Variants in SV2C observed in about 807,000 individuals in gnomAD.
The protein encoded by SV2C is synaptic vesicle glycoprotein 2C, also known as solute carrier family 22 member B3.
SV2C carries 49 observed loss-of-function variants against 79.7 expected under a neutral mutation model. That is an observed-to-expected ratio of 0.61 (90% CI 0.49 to 0.78). The LOEUF (loss-of-function observed/expected upper bound fraction) is 0.78. Ranked by LOEUF, SV2C falls within the 30% of genes least tolerant of loss-of-function variation. SV2C has a pLI of 0.00. For missense variants in SV2C, 833 were observed against 912.9 expected, an observed-to-expected ratio of 0.91 and a Z score of 1.13; for synonymous variants, 334 against 333.2, an observed-to-expected ratio of 1.00 and a Z score of -0.03.
At chr5:76,005,286 G>C in the SV2C span, among the ~76,000 whole-genome samples, 18 of 152,228 alleles carry the variant, frequency 1.2e-4, no homozygotes, top group African/African-American at 4.1e-4. Flanking sequence ...AAAAAAGTTT[G>C]GTGACTAAAA....
chr5:76,239,067 C>A (rs1004407363), intron 4 of SV2C, among the ~76,000 whole-genome samples: 253 of 150,310 alleles, frequency 1.7e-3, no homozygotes, highest in African/African-American at 6.2e-3. Flanking sequence ...CTTTTGGGAT[C>A]CTAGGGAATA....
chr5:75,939,396 T>A, the SV2C span, among the ~76,000 whole-genome samples: 1 of 152,038 alleles, frequency 6.6e-6, no homozygotes, highest in Non-Finnish European at 1.5e-5. Flanking sequence ...ATCTCTCTGA[T>A]TTCAGTTCTT....
the SV2C span, among the ~76,000 whole-genome samples, chr5:76,010,598 CAAGAT>C: frequency 3.3e-5 from 5 of 152,168 alleles, no homozygotes; most frequent in African/African-American, 9.6e-5. Context: ...GATATTAAAT[CAAGAT>C]AAGAGATCAG....
intron 2 of SV2C, among the ~76,000 whole-genome samples, chr5:76,170,050 T>A (rs1743171142): frequency 6.6e-6 from 1 of 152,202 alleles, no homozygotes; most frequent in South Asian, 2.1e-4. Flanking sequence ...ATCATCTCAA[T>A]CCTATTTTAT....
intron 4 of SV2C, among the ~76,000 whole-genome samples, chr5:76,273,059 A>T (rs1366492274): frequency 6.6e-6 from 1 of 151,094 alleles, no homozygotes; most frequent in Non-Finnish European, 1.5e-5. Context: ...TGCATTTATG[A>T]TATAAGCTTC....
chr5:76,242,298 TG>T, intron 4 of SV2C: 1 of 1,452,140 alleles, frequency 6.9e-7, no homozygotes, highest in Non-Finnish European at 9.6e-7. Context: ...TTGGGCATGG[TG>T]GCGGCAGCGA....
chr5:75,886,298 T>C, the SV2C span, among the ~76,000 whole-genome samples: 5 of 152,140 alleles, frequency 3.3e-5, no homozygotes, highest in African/African-American at 7.2e-5. Context: ...CTCTTTTTGC[T>C]AAGGAAAATC....
chr5:76,322,827 T>C (rs80228966), intron 12 of SV2C, among the ~76,000 whole-genome samples: 1 of 152,200 alleles, frequency 6.6e-6, no homozygotes, highest in Non-Finnish European at 1.5e-5. Context: ...GAAAACTGGC[T>C]AGCCATATTC....
At chr5:75,872,922 A>G in the SV2C span, among the ~76,000 whole-genome samples, 3 of 151,820 alleles carry the variant, frequency 2.0e-5, no homozygotes, top group East Asian at 5.8e-4. Context: ...TAATAAAATT[A>G]AAAAAAGAAA....
At chr5:76,214,108 A>G (rs1744846827) in intron 4 of SV2C, among the ~76,000 whole-genome samples, 1 of 152,228 alleles carries the variant, frequency 6.6e-6, no homozygotes, top group Non-Finnish European at 1.5e-5. Flanking sequence ...GTATGTATGT[A>G]CATAAGTATA....
the SV2C span, among the ~76,000 whole-genome samples, chr5:76,021,629 G>C: frequency 0.82 from 124,571 of 152,210 alleles, 51,684 homozygotes; most frequent in African/African-American, 0.95. Context: ...TGATACAGGA[G>C]AGGTCTAAAA....
the SV2C span, among the ~76,000 whole-genome samples, chr5:75,987,193 C>T: frequency 3.3e-5 from 5 of 151,980 alleles, no homozygotes; most frequent in Non-Finnish European, 4.4e-5. Context: ...CTCCTGCCAG[C>T]GTCCATGAAC....
At chr5:76,338,660 T>A (rs1352130794), downstream of SV2C, among the ~76,000 whole-genome samples, 1 of 21,236 alleles carries the variant, frequency 4.7e-5, no homozygotes, top group African/African-American at 8.5e-5. Flanking sequence ...TTTCTTTTTC[T>A]TTTTTTTTTT....
intron 2 of SV2C, among the ~76,000 whole-genome samples, chr5:76,141,823 CAAAA>C (rs11313342): frequency 1.9e-4 from 14 of 72,456 alleles, no homozygotes; most frequent in African/African-American, 7.2e-4. Flanking sequence ...AAGTCCATCT[CAAAA>C]AAAAAAAAAA....
chr5:76,114,848 T>C (rs912788611), intron 1 of SV2C, among the ~76,000 whole-genome samples: 3 of 152,276 alleles, frequency 2.0e-5, no homozygotes, highest in Non-Finnish European at 2.9e-5. Flanking sequence ...GCCAGTATTA[T>C]CACTGCTGGC....
At chr5:76,068,920 G>A in the SV2C span, among the ~76,000 whole-genome samples, 1 of 152,098 alleles carries the variant, frequency 6.6e-6, no homozygotes, top group South Asian at 2.1e-4. Context: ...GTTGTATACA[G>A]GTTCATGGCA....
chr5:76,006,733 T>G, the SV2C span, among the ~76,000 whole-genome samples: 1 of 152,142 alleles, frequency 6.6e-6, no homozygotes, highest in Admixed American at 6.5e-5. Flanking sequence ...CCCAGAAAAC[T>G]TAGGCATGCC....
chr5:76,179,156 G>T (rs1003041380), intron 2 of SV2C, among the ~76,000 whole-genome samples: 2 of 152,146 alleles, frequency 1.3e-5, no homozygotes, highest in African/African-American at 4.8e-5. Flanking sequence ...TAGTAGTCTG[G>T]GTGTCTTCAC....
At chr5:75,852,931 G>C in the SV2C span, among the ~76,000 whole-genome samples, 1 of 151,782 alleles carries the variant, frequency 6.6e-6, no homozygotes, top group Non-Finnish European at 1.5e-5. Flanking sequence ...TAATGAGTGA[G>C]GAATGCCATA....
Sources: allele counts gnomAD v4.1 joint callset (sites outside exome capture counted in the v4.1 genomes callset), GRCh38; gene constraint gnomAD v4.1.1; transcripts MANE v1.5; gene names NCBI Gene and HGNC (gene_info 2026-07-23, HGNC 2026-07-21).